MAN1A1: variants seen among roughly 807,000 people sequenced by gnomAD.
MAN1A1 encodes the protein mannosidase alpha class 1A member 1.
A neutral mutation model predicts 70.8 loss-of-function variants in MAN1A1; 29 were observed. The ratio of observed to expected loss-of-function variants is 0.41; its 90% confidence interval spans 0.31 to 0.56. MAN1A1 has a LOEUF of 0.56. MAN1A1 is among the 20% of genes least tolerant of loss of function. MAN1A1 has a pLI of 0.29. For missense variants in MAN1A1, 747 were observed against 841.3 expected, an observed-to-expected ratio of 0.89 and a Z score of 1.39; for synonymous variants, 349 against 330.1, an observed-to-expected ratio of 1.06 and a Z score of -0.62.
intron 6 of MAN1A1, among the ~76,000 whole-genome samples, chr6:119,210,091 G>A (rs994572069): frequency 3.3e-5 from 5 of 152,116 alleles, no homozygotes; most frequent in African/African-American, 9.7e-5. Flanking sequence ...CTCTTGACTC[G>A]CAGTACTGCT....
rs911151456 is a variant in MAN1A1 at position 119,289,037 on chromosome 6, C to A, written c.897+1646G>T. On this transcript the variant is annotated intron_variant, in intron 5 of 12. Coordinates refer to ENST00000368468, the MANE Select transcript of MAN1A1 (RefSeq NM_005907.4). ...TTAGGCAAATTATTTTATCTATAGG[C>A]AAACTATAATATCTGTGGGTATTAT... is the stretch of plus-strand genomic sequence containing the variant. 1.5e-4 allele frequency among the ~76,000 whole-genome samples: 22 copies of A among 148,690 alleles called. No individual in the cohort carries two copies. In the East Asian group the frequency reaches 4.3e-3, roughly 29 times the overall value.
chr6:119,227,047 G>A (rs1353621879), intron 6 of MAN1A1, among the ~76,000 whole-genome samples: 1 of 152,018 alleles, frequency 6.6e-6, no homozygotes, highest in Non-Finnish European at 1.5e-5. Flanking sequence ...ATAAACAGGA[G>A]AATAAACTAT....
intron 3 of MAN1A1, among the ~76,000 whole-genome samples, chr6:119,305,529 C>T (rs1483930056): frequency 6.6e-6 from 1 of 152,094 alleles, no homozygotes; most frequent in Non-Finnish European, 1.5e-5. Flanking sequence ...GGAATTACTT[C>T]TACTGCCTCT....
chr6:119,293,718 T>C (rs1295423423), intron 4 of MAN1A1, among the ~76,000 whole-genome samples: 1 of 152,102 alleles, frequency 6.6e-6, no homozygotes, highest in East Asian at 1.9e-4. Flanking sequence ...GGCCAAAAGA[T>C]TGAAATTTAG....
Position 119,295,231 on chromosome 6 carries a change from C to T in MAN1A1, c.817-4468G>A, listed in dbSNP as rs529952834. Among the ~76,000 whole-genome samples the T allele has an allele frequency of 4.6e-5, 7 of 152,224 alleles. No homozygotes were observed. In the South Asian group the frequency reaches 1.5e-3, roughly 32 times the overall value. ...AAATGAGTACCTGAAAGACCAACCT[C>T]TTCACACTAGACAAGACAGCACTTT... On this transcript the variant is annotated intron_variant, in intron 4 of 12. Coordinates refer to ENST00000368468, the MANE Select transcript of MAN1A1 (RefSeq NM_005907.4).
chr6:119,184,869 A>G (rs934787071), intron 11 of MAN1A1, among the ~76,000 whole-genome samples: 1 of 152,072 alleles, frequency 6.6e-6, no homozygotes, highest in Non-Finnish European at 1.5e-5. Context: ...AAATGGAAGG[A>G]ATTTGTCAGT....
At chr6:119,320,655 C>T (rs185803637) in intron 2 of MAN1A1, among the ~76,000 whole-genome samples, 177 of 151,562 alleles carry the variant, frequency 1.2e-3, no homozygotes, top group African/African-American at 4.1e-3. Flanking sequence ...GGTATGTGGT[C>T]GGGGTTCCAG....
intron 5 of MAN1A1, among the ~76,000 whole-genome samples, chr6:119,261,967 T>C (rs1464035870): frequency 6.6e-6 from 1 of 152,118 alleles, no homozygotes; most frequent in Non-Finnish European, 1.5e-5. Context: ...GGAAAAAACA[T>C]AGGCGGGCAA....
intron 8 of MAN1A1, 76 bp downstream of exon 8, chr6:119,201,178 G>T: frequency 9.5e-7 from 1 of 1,056,092 alleles, no homozygotes; most frequent in Non-Finnish European, 1.5e-6. Flanking sequence ...CAAAATCTGT[G>T]CTGCTTTTGT....
At chr6:119,267,914 A>G (rs2114368365) in intron 5 of MAN1A1, among the ~76,000 whole-genome samples, 1 of 152,238 alleles carries the variant, frequency 6.6e-6, no homozygotes, top group East Asian at 1.9e-4. Flanking sequence ...GACTTATTCT[A>G]TGGGTTCCTG....
intron 5 of MAN1A1, chr6:119,269,403 G>A (rs1775851474): frequency 5.2e-6 from 1 of 193,976 alleles, no homozygotes; most frequent in Non-Finnish European, 1.1e-5. Context: ...TTGTCATAGG[G>A]CAGTGGGATC....
intron 2 of MAN1A1, among the ~76,000 whole-genome samples, chr6:119,337,184 GA>G (rs1173516345): frequency 6.6e-6 from 1 of 151,534 alleles, no homozygotes; most frequent in East Asian, 1.9e-4. Context: ...AAAACAACTT[GA>G]AAACTGGAAA....
Position 119,193,799 on chromosome 6 carries a change from T to A in MAN1A1, c.1304A>T (p.Lys435Met). The change falls in exon 9 of 13, where the codon AAG becomes ATG. Residue 435 changes from lysine (K) to methionine (M), a missense_variant. Lys to Met is a moderately conservative substitution (Grantham distance 95). Around this residue, in one of 2 missense-constraint regions of MAN1A1, gnomAD observed 419 missense variants for 548.2 expected, o/e 0.76. Coordinates refer to ENST00000368468, the MANE Select transcript of MAN1A1 (RefSeq NM_005907.4). ...TACCTGAACAGCATCAAAATACATC[T>A]TCTTAGCTTCCAGATCTGTCTTGTC... ...MSDKTDLEAK[K>M]MYFDAVQAIE... 1 of 1,613,562 alleles carries A rather than the reference T, an allele frequency of 6.2e-7. No individual in the cohort carries two copies.
intron 5 of MAN1A1, among the ~76,000 whole-genome samples, chr6:119,249,146 G>C (rs1775249529): frequency 6.6e-6 from 1 of 152,068 alleles, no homozygotes; most frequent in African/African-American, 2.4e-5. Flanking sequence ...AATCCCTGAG[G>C]GATCAGCCTC....
intron 4 of MAN1A1, among the ~76,000 whole-genome samples, chr6:119,301,369 A>G (rs1374396995): frequency 1.3e-5 from 2 of 152,246 alleles, no homozygotes; most frequent in Non-Finnish European, 2.9e-5. Context: ...AGTATTCACT[A>G]TCCTTAATTC....
intron 6 of MAN1A1, among the ~76,000 whole-genome samples, chr6:119,232,333 A>C (rs1285701695): frequency 6.9e-6 from 1 of 145,764 alleles, no homozygotes; most frequent in Non-Finnish European, 1.5e-5. Context: ...AGATTACACC[A>C]CTGCACTCCA....
intron 9 of MAN1A1, among the ~76,000 whole-genome samples, chr6:119,192,025 A>G (rs1454192704): frequency 2.6e-5 from 4 of 152,198 alleles, no homozygotes; most frequent in Non-Finnish European, 5.9e-5. Context: ...GAGAAGCAGG[A>G]AACACTTTGA....
chr6:119,299,245 T>C (rs1359320601), intron 4 of MAN1A1, among the ~76,000 whole-genome samples: 1 of 152,072 alleles, frequency 6.6e-6, no homozygotes, highest in Non-Finnish European at 1.5e-5. Context: ...AGTAAGTCAA[T>C]ATACCTCTCC....
rs1216692166 is a variant in MAN1A1 at position 119,279,464 on chromosome 6, CGTTTAT to C, written c.897+11213_897+11218del. Among the ~76,000 whole-genome samples, 3 of 152,326 alleles carry C rather than the reference CGTTTAT, an allele frequency of 2.0e-5. No homozygotes were observed. In the East Asian group the frequency reaches 5.8e-4, roughly 29 times the overall value. On this transcript the variant is annotated intron_variant, in intron 5 of 12. Transcript: ENST00000368468. ...GAACACTGTTGGAAAAAGCATCATA[CGTTTAT>C]AAGGATTGAGGCTACCATAAATTCA... is the stretch of plus-strand genomic sequence containing the variant.
Sources: allele counts gnomAD v4.1 joint callset (sites outside exome capture counted in the v4.1 genomes callset), GRCh38; gene constraint gnomAD v4.1.1; regional missense constraint gnomAD v4.1.1; transcripts MANE v1.5; gene names NCBI Gene and HGNC (gene_info 2026-07-23, HGNC 2026-07-21).